GRIP1: variants seen among roughly 807,000 people sequenced by gnomAD.
The protein encoded by GRIP1 is glutamate receptor interacting protein 1.
In GRIP1, 45 loss-of-function variants were observed where a neutral mutation model predicts 129.9. That is an observed-to-expected ratio of 0.35 (90% confidence interval 0.27 to 0.44). The LOEUF (loss-of-function observed/expected upper bound fraction) is 0.44. GRIP1 is among the 20% of genes least tolerant of loss of function. The probability of loss-of-function intolerance (pLI) is 1.00; values close to 1 mark genes in which losing one functional copy is unlikely to be tolerated. For synonymous variants in GRIP1, 530 were observed against 520.8 expected, an observed-to-expected ratio of 1.02 and a Z score of -0.24; for missense variants, 1,196 against 1,396.8, an observed-to-expected ratio of 0.86 and a Z score of 2.29.
chr12:67,031,931 C>T (rs1039614251), intron 1 of GRIP1, among the ~76,000 whole-genome samples: 7 of 152,160 alleles, frequency 4.6e-5, no homozygotes, highest in African/African-American at 1.7e-4. Flanking sequence ...AGACTCCAAA[C>T]ATACCCTGTA....
chr12:66,373,109 A>C (rs550281997), intron 22 of GRIP1, among the ~76,000 whole-genome samples: 7 of 152,038 alleles, frequency 4.6e-5, no homozygotes, highest in Non-Finnish European at 8.8e-5. Context: ...TTCTTTTTTG[A>C]GATAGACTCT....
intron 1 of GRIP1, among the ~76,000 whole-genome samples, chr12:66,785,327 C>CATATAT (rs1415065185): frequency 1.0e-4 from 4 of 38,498 alleles, no homozygotes; most frequent in Admixed American, 3.8e-4. Flanking sequence ...TACATACATA[C>CATATAT]ATACATACAT....
chr12:66,581,632 C>T lies in GRIP1; in HGVS notation c.136+15215G>A, dbSNP rs554361728. On this transcript the variant is annotated intron_variant, in intron 2 of 24. Transcript: ENST00000359742. ...TCAGAGAATACTACAAACACCTCTA[C>T]GCAAATAAACTAGAAAATCTAGAAG... is the stretch of plus-strand genomic sequence containing the variant. 1.2e-3 allele frequency among the ~76,000 whole-genome samples: 178 copies of T among 148,398 alleles called. 1 individual carries two copies. Among genetic ancestry groups the T allele is most frequent in the African/African-American group, 2.1e-3 (85 of 40,332 alleles).
intron 14 of GRIP1, among the ~76,000 whole-genome samples, chr12:66,431,445 T>G (rs2058145266): frequency 1.3e-5 from 2 of 152,234 alleles, no homozygotes; most frequent in African/African-American, 4.8e-5. Context: ...AGTGTTGCAG[T>G]AGATATGTGT....
chr12:66,866,920 T>C (rs1273361518), intron 1 of GRIP1, among the ~76,000 whole-genome samples: 2 of 152,198 alleles, frequency 1.3e-5, no homozygotes, highest in Non-Finnish European at 1.5e-5. Flanking sequence ...TCGTACACAG[T>C]AAGTATACAC....
intron 1 of GRIP1, among the ~76,000 whole-genome samples, chr12:66,689,868 T>C (rs1173883944): frequency 6.6e-6 from 1 of 152,116 alleles, no homozygotes; most frequent in African/African-American, 2.4e-5. Context: ...TACTCTTTTA[T>C]GAATTGGACA....
At position 66,602,537 on chromosome 12, in the gene GRIP1, T is replaced by C. The variant is rs556785044; in HGVS notation, c.56-5610A>G. On this transcript the variant is annotated intron_variant, in intron 1 of 24. Coordinates refer to ENST00000359742, the MANE Select transcript of GRIP1 (RefSeq NM_001366722.1). ...CTACACAGGCTTTGGCTCTACAGCT[T>C]TGGTATGTGGAGGCTGCAACATTTC... Among the ~76,000 whole-genome samples the C allele has an allele frequency of 9.9e-5, 15 of 152,220 alleles. 2 individuals carry two copies. The South Asian group carries it at 3.1e-3, about 32-fold the overall frequency.
At chr12:66,793,729 C>T (rs2038613610) in intron 1 of GRIP1, among the ~76,000 whole-genome samples, 1 of 152,128 alleles carries the variant, frequency 6.6e-6, no homozygotes, top group African/African-American at 2.4e-5. Context: ...AAGGATGGCA[C>T]ACAGCACTGC....
At chr12:66,644,541 T>C (rs1442046177) in intron 1 of GRIP1, among the ~76,000 whole-genome samples, 10 of 152,318 alleles carry the variant, frequency 6.6e-5, no homozygotes, top group Non-Finnish European at 1.5e-4. Flanking sequence ...CCAGCAGTAT[T>C]ATTGAATAAA....
chr12:66,464,014 CG>C (rs904332019), intron 8 of GRIP1, among the ~76,000 whole-genome samples: 2 of 152,000 alleles, frequency 1.3e-5, no homozygotes, highest in African/African-American at 4.8e-5. Flanking sequence ...CTGACCACTA[CG>C]GGGGGTTGCT....
chr12:66,664,857 A>G (rs953769170), intron 1 of GRIP1, among the ~76,000 whole-genome samples: 1 of 152,106 alleles, frequency 6.6e-6, no homozygotes, highest in Non-Finnish European at 1.5e-5. Flanking sequence ...ATGGTACAGG[A>G]GAGTAAAAGA....
At chr12:66,413,119 T>C (rs895078942) in intron 15 of GRIP1, among the ~76,000 whole-genome samples, 7 of 152,252 alleles carry the variant, frequency 4.6e-5, no homozygotes, top group Middle Eastern at 3.4e-3. Context: ...CTGACAGATA[T>C]CTACAGAACT....
At chr12:67,024,323 C>T (rs2042910005) in intron 1 of GRIP1, among the ~76,000 whole-genome samples, 1 of 152,038 alleles carries the variant, frequency 6.6e-6, no homozygotes, top group South Asian at 2.1e-4. Flanking sequence ...TTAGGAAGAA[C>T]ACAGGCAAGG....
At chr12:66,420,842 T>G (rs760919938) in intron 14 of GRIP1, 53 bp from the exon 15 acceptor site, 13 of 956,212 alleles carry the variant, frequency 1.4e-5, no homozygotes, top group Non-Finnish European at 2.2e-5. Context: ...ATTCACCCCT[T>G]ACTGTACATT....
chr12:66,769,225 ATTT>A (rs112284216), intron 1 of GRIP1, among the ~76,000 whole-genome samples: 2 of 144,810 alleles, frequency 1.4e-5, no homozygotes, highest in African/African-American at 2.6e-5. Context: ...CCAAATGGAA[ATTT>A]TTTTTTTTTT....
At chr12:66,654,814 G>T (rs1244389986) in intron 1 of GRIP1, among the ~76,000 whole-genome samples, 1 of 152,174 alleles carries the variant, frequency 6.6e-6, no homozygotes, top group African/African-American at 2.4e-5. Context: ...ATAAGGAACA[G>T]ATTGGGTTAG....
At chr12:66,526,374 G>A (rs1329500310) in intron 5 of GRIP1, among the ~76,000 whole-genome samples, 1 of 152,142 alleles carries the variant, frequency 6.6e-6, no homozygotes, top group African/African-American at 2.4e-5. Flanking sequence ...AAATAATGCT[G>A]CATGTCTACA....
At chr12:66,812,320 A>G (rs888604483) in intron 1 of GRIP1, among the ~76,000 whole-genome samples, 4 of 152,160 alleles carry the variant, frequency 2.6e-5, no homozygotes, top group African/African-American at 9.6e-5. Flanking sequence ...TTTTTAGTAG[A>G]GATGGGGTTT....
intron 1 of GRIP1, among the ~76,000 whole-genome samples, chr12:66,933,720 T>C (rs763358460): frequency 6.6e-6 from 1 of 152,148 alleles, no homozygotes; most frequent in Non-Finnish European, 1.5e-5. Flanking sequence ...CCTACATATA[T>C]AGTACAATAA....
Sources: allele counts gnomAD v4.1 joint callset (sites outside exome capture counted in the v4.1 genomes callset), GRCh38; gene constraint gnomAD v4.1.1; transcripts MANE v1.5; gene names NCBI Gene and HGNC (gene_info 2026-07-23, HGNC 2026-07-21).